Variants in LIMS2 observed in about 807,000 individuals in gnomAD.
LIMS2 encodes the protein LIM and senescent cell antigen-like-containing domain protein 2.
Under a neutral mutation model 45.3 loss-of-function variants are expected in LIMS2, and 30 were observed. The observed-to-expected ratio is 0.66, with a 90% CI of 0.50 to 0.90. The LOEUF is 0.90. LIMS2 is among the 40% of genes least tolerant of loss of function. The probability of loss-of-function intolerance (pLI) is 0.00; values close to 1 mark genes in which losing one functional copy is unlikely to be tolerated. For missense variants in LIMS2, 485 were observed against 468.7 expected (o/e 1.03, Z -0.32); for synonymous variants, 173 against 188.0 (o/e 0.92, Z 0.65).
intron 1 of LIMS2, among the ~76,000 whole-genome samples, chr2:127,663,856 C>T (rs1684836860): frequency 6.6e-6 from 1 of 152,212 alleles, no homozygotes; most frequent in Non-Finnish European, 1.5e-5. Flanking sequence ...CCTCCCCATC[C>T]AGAGCCAACT....
chr2:127,642,737 C>T lies in LIMS2; in HGVS notation c.509+186G>A. 1.5e-6 allele frequency: 1 copy of T among 648,000 alleles called. No individual in the cohort carries two copies. The highest frequency in any genetic ancestry group is 2.0e-5 in the South Asian group (1 of 50,808). 40.1% of individuals were successfully genotyped at this position (648,000 alleles called of 1,614,324 possible). On this transcript the variant is annotated intron_variant, in intron 5 of 9. Coordinates refer to ENST00000355119, the MANE Select transcript of LIMS2 (RefSeq NM_001161403.3). The surrounding 1 kb of genome is among the most constrained non-coding windows in gnomAD (Gnocchi z 5.3). ...GAGCCCTGGAGAGAGAAGCTTCCTG[C>T]CATGGCTGCTTCCCAGCCCCCAGCC...
intron 1 of LIMS2, among the ~76,000 whole-genome samples, chr2:127,670,134 T>C (rs1024308224): frequency 4.6e-5 from 7 of 152,230 alleles, no homozygotes; most frequent in African/African-American, 1.7e-4. Flanking sequence ...CAGTCCTAGG[T>C]ATATATTCAA....
At chr2:127,640,472 C>T (rs1025731768) in intron 7 of LIMS2, 154 bp from the exon 8 acceptor site, 14 of 780,046 alleles carry the variant, frequency 1.8e-5, no homozygotes, top group African/African-American at 3.5e-5. Flanking sequence ...GTTGAGGGCA[C>T]GGCAACCCAT....
chr2:127,671,796 C>T lies in LIMS2; in HGVS notation c.11+3218G>A, dbSNP rs934369538. ...GTGCCACCTGGCCCAGTCTGGGGCT[C>T]AGGGCTCAGTGGTGCCACATCACAA... On this transcript the variant is annotated intron_variant, in intron 1 of 9. Transcript: ENST00000355119. This position sits in a 1 kb window ranked among gnomAD's most constrained non-coding sequence, Gnocchi z 4.1. 7.2e-5 allele frequency among the ~76,000 whole-genome samples: 11 copies of T among 152,254 alleles called. No individual in the cohort carries two copies. Among genetic ancestry groups the T allele is most frequent in the Non-Finnish European group, 1.5e-4 (10 of 68,046 alleles).
intron 1 of LIMS2, among the ~76,000 whole-genome samples, chr2:127,658,181 G>A (rs531075200): frequency 6.6e-6 from 1 of 152,218 alleles, no homozygotes; most frequent in Non-Finnish European, 1.5e-5. Flanking sequence ...TTGAGCCCAG[G>A]AGTTCGAGAC....
Position 127,642,166 on chromosome 2 carries a change from CT to C in LIMS2, c.542del (p.Lys181ArgfsTer83). On this transcript the variant is annotated frameshift_variant, in exon 6 of 10. Coordinates refer to ENST00000355119, the MANE Select transcript of LIMS2 (RefSeq NM_001161403.3). LOFTEE classifies it high-confidence loss of function. This position sits in a 1 kb window ranked among gnomAD's most constrained non-coding sequence, Gnocchi z 5.3. ...GGCAGGGCAGGCAGTAGAGCTCACCCTTCAGCTCGCGGGCCTCGGCTGTCAG... is the reference window on the plus strand; with the variant it reads ...GGCAGGGCAGGCAGTAGAGCTCACCCTCAGCTCGCGGGCCTCGGCTGTCAG... ...KELTAEAREL[K>X]GELYCLPCHD... 1 of 1,580,168 alleles carries C rather than the reference CT, an allele frequency of 6.3e-7. No individual in the cohort carries two copies. Among genetic ancestry groups the C allele is most frequent in the Middle Eastern group, 1.7e-4 (1 of 5,938 alleles).
At chr2:127,662,996 G>A (rs1040275400) in intron 1 of LIMS2, among the ~76,000 whole-genome samples, 2 of 152,126 alleles carry the variant, frequency 1.3e-5, no homozygotes, top group African/African-American at 4.8e-5. Flanking sequence ...TAACAACAAA[G>A]AACTGACAAA....
intron 3 of LIMS2, 71 bp from the exon 4 acceptor site, chr2:127,654,615 G>A: frequency 1.2e-6 from 2 of 1,604,354 alleles, no homozygotes; most frequent in Non-Finnish European, 1.7e-6. Flanking sequence ...CCCAAGCCCT[G>A]TCCACCTAGC....
intron 4 of LIMS2, among the ~76,000 whole-genome samples, chr2:127,645,375 T>C (rs1465110736): frequency 6.6e-6 from 1 of 152,238 alleles, no homozygotes; most frequent in Non-Finnish European, 1.5e-5. Flanking sequence ...GGATGTATCA[T>C]TTTCAGAAAG....
In LIMS2 at chr2:127,657,531, A is replaced by C. The variant is rs1437803798; in HGVS notation, c.43T>G (p.Cys15Gly). 1 of 1,610,656 alleles carries C rather than the reference A, an allele frequency of 6.2e-7. No individual in the cohort carries two copies. The highest frequency in any genetic ancestry group is 8.5e-7 in the Non-Finnish European group (1 of 1,178,462). The change falls in exon 2 of 10, where the codon TGC (cysteine) becomes GGC (glycine). Residue 15 changes from cysteine (C) to glycine (G), a missense_variant. Coordinates refer to ENST00000355119, the MANE Select transcript of LIMS2 (RefSeq NM_001161403.3). The stretch of plus-strand genomic sequence containing the variant: ...GAGAAGCGGGCCTGGCAGCGCTGGC[A>C]CACGGCGTTGGCCAAGGCGTCCGAC... Reference protein sequence around the residue: ...NMSDALANAVCQRCQARFSPA... With the variant: ...NMSDALANAVGQRCQARFSPA...
intron 1 of LIMS2, chr2:127,674,003 A>G (rs1489846410): frequency 2.1e-6 from 1 of 480,934 alleles, no homozygotes; most frequent in Admixed American, 3.3e-5. Flanking sequence ...CAGGACTTAC[A>G]AAGTGACAAG....
Position 127,651,413 on chromosome 2 carries a change from G to C in LIMS2, c.359+3011C>G, listed in dbSNP as rs753371852. The C allele has an allele frequency of 2.5e-6, 4 of 1,612,898 alleles. No individual in the cohort carries two copies. The highest frequency in any genetic ancestry group is 3.3e-4 in the Middle Eastern group (2 of 6,062). The stretch of plus-strand genomic sequence containing the variant: ...GCCTGCGGCAGGGCCTGCGTGTGGA[G>C]AAGCGCCTCAAGACCAAGGCAGTGC... On this transcript the variant is annotated intron_variant, in intron 4 of 9. Transcript: ENST00000355119.
In LIMS2 at chr2:127,664,830, T is replaced by A. The variant is rs576090894; in HGVS notation, c.12-7268A>T. Among the ~76,000 whole-genome samples, 2 of 152,202 alleles carry A rather than the reference T, an allele frequency of 1.3e-5. No individual in the cohort carries two copies. The highest frequency in any genetic ancestry group is 4.2e-4 in the South Asian group (2 of 4,814). On this transcript the variant is annotated intron_variant, in intron 1 of 9. Transcript: ENST00000355119. The surrounding 1 kb of genome is among the most constrained non-coding windows in gnomAD (Gnocchi z 5.5). The stretch of plus-strand genomic sequence containing the variant: ...CAGGGAGGACCTGGCGCCTTTAGGA[T>A]CCCTGCCAACAGTTAGGAAACCGAG...
In LIMS2 at chr2:127,667,671, TG is replaced by T. The variant is rs2105335911; in HGVS notation, c.11+7342del. Among the ~76,000 whole-genome samples, 1 of 152,256 alleles carries T rather than the reference TG, an allele frequency of 6.6e-6. No homozygotes were observed. The highest frequency in any genetic ancestry group is 1.5e-5 in the Non-Finnish European group (1 of 68,014). On this transcript the variant is annotated intron_variant, in intron 1 of 9. Coordinates refer to ENST00000355119, the MANE Select transcript of LIMS2 (RefSeq NM_001161403.3). The surrounding 1 kb of genome is among the most constrained non-coding windows in gnomAD (Gnocchi z 4.1). ...TTCATAATAAAAGCACCCAACAAAC[TG>T]GGAATAGAAGGGAACTTCTTCAATT...
At position 127,672,488 on chromosome 2, in the gene LIMS2, G is replaced by T. The variant is rs1430000080; in HGVS notation, c.11+2526C>A. On this transcript the variant is annotated intron_variant, in intron 1 of 9. Coordinates refer to ENST00000355119, the MANE Select transcript of LIMS2 (RefSeq NM_001161403.3). This position sits in a 1 kb window ranked among gnomAD's most constrained non-coding sequence, Gnocchi z 4.9. Reference sequence around the variant, plus strand: ...TTCAAGCACTCCACAACCACACCAAGCATGCCATCCACCCCCACCTGTCAT... The same window carrying T: ...TTCAAGCACTCCACAACCACACCAATCATGCCATCCACCCCCACCTGTCAT... 1.3e-5 allele frequency among the ~76,000 whole-genome samples: 2 copies of T among 151,934 alleles called. No homozygotes were observed. Among genetic ancestry groups the T allele is most frequent in the Non-Finnish European group, 2.9e-5 (2 of 67,988 alleles).
At chr2:127,660,342 A>G (rs977525995) in intron 1 of LIMS2, among the ~76,000 whole-genome samples, 5 of 152,168 alleles carry the variant, frequency 3.3e-5, no homozygotes, top group African/African-American at 1.2e-4. Flanking sequence ...TTGGTGTGGA[A>G]AGTTTGTTCT....
At position 127,675,097 on chromosome 2, in the gene LIMS2, G is replaced by GAGCGCCCGCCC; in HGVS notation, c.-84_-74dup. The GAGCGCCCGCCC allele has an allele frequency of 1.6e-6, 2 of 1,215,580 alleles. No individual in the cohort carries two copies. The highest frequency in any genetic ancestry group is 2.1e-6 in the Non-Finnish European group (2 of 973,566). The allele number at this position is 1,215,580 out of a possible 1,614,324, so 75.3% of individuals were successfully genotyped here. A position where few individuals can be genotyped will look rare whatever the true frequency, so the allele number is the denominator to read the frequency against. The stretch of plus-strand genomic sequence containing the variant: ...CCCTCTGCTGCTGCAGCCGCCAGCC[G>GAGCGCCCGCCC]AGCGCCCGCCCGCCAGCCCGGGCCG... On this transcript the variant is annotated 5_prime_UTR_variant, in exon 1 of 10. Coordinates refer to ENST00000355119, the MANE Select transcript of LIMS2 (RefSeq NM_001161403.3).
At chr2:127,654,917 G>A in intron 2 of LIMS2, 21 bp from the exon 3 acceptor site, 1 of 1,611,244 alleles carries the variant, frequency 6.2e-7, no homozygotes, top group Non-Finnish European at 8.5e-7. Flanking sequence ...GTCGCAGAGA[G>A]AGGACAAGCA....
At chr2:127,678,914 A>G (rs1455271724), upstream of LIMS2, among the ~76,000 whole-genome samples, 1 of 152,152 alleles carries the variant, frequency 6.6e-6, no homozygotes, top group Non-Finnish European at 1.5e-5. This position sits in a 1 kb window ranked among gnomAD's most constrained non-coding sequence, Gnocchi z 5.3. Flanking sequence ...CTTGGTACAA[A>G]TGGAATTTCA....
Sources: gnomAD v4.1 joint callset for allele counts (sites outside exome capture counted in the v4.1 genomes callset) on GRCh38, gnomAD v4.1.1 for gene constraint, Gnocchi (gnomAD v3.1) non-coding constraint, MANE v1.5 for transcripts, NCBI Gene and HGNC (gene_info 2026-07-23, HGNC 2026-07-21) for gene names.